The following SLC7A6 variants were observed in gnomAD, a reference collection of about 807,000 sequenced individuals.
SLC7A6 encodes the protein solute carrier family 7 member 6.
A neutral mutation model predicts 46.6 loss-of-function variants in SLC7A6; 29 were observed. The observed-to-expected ratio is 0.62, with a 90% CI of 0.46 to 0.85. SLC7A6 has a LOEUF of 0.85. Among genes scored for constraint, SLC7A6 ranks in the 40% least tolerant of loss-of-function variants. SLC7A6 has a pLI of 0.00. For missense variants in SLC7A6, 527 were observed against 647.6 expected, an observed-to-expected ratio of 0.81 and a Z score of 2.02; for synonymous variants, 276 against 257.3, an observed-to-expected ratio of 1.07 and a Z score of -0.70.
rs1175176637 is a variant in SLC7A6, at chr16:68,274,699, A to G, written c.-28A>G. ...CTTGTATTCTTTGCCAGGCCACAGC[A>G]AACACAGGTGTGCAGGAACCGTTTG... is the stretch of plus-strand genomic sequence containing the variant. On this transcript the variant is annotated 5_prime_UTR_variant, in exon 3 of 11. Coordinates refer to ENST00000219343, the MANE Select transcript of SLC7A6 (RefSeq NM_003983.6). The G allele has an allele frequency of 6.2e-7, 1 of 1,611,874 alleles. No individual in the cohort carries two copies. The highest frequency in any genetic ancestry group is 8.5e-7 in the Non-Finnish European group (1 of 1,178,316).
chr16:68,293,901 TTTTG>T (rs1438656127), intron 7 of SLC7A6, among the ~76,000 whole-genome samples: 3 of 152,128 alleles, frequency 2.0e-5, no homozygotes, highest in Non-Finnish European at 2.9e-5. Context: ...GCCAGTCTTT[TTTTG>T]TTTGTTTTTG....
chr16:68,290,681 G>T (rs957978090), intron 5 of SLC7A6, 141 bp downstream of exon 5: 31 of 1,029,636 alleles, frequency 3.0e-5, no homozygotes, highest in Non-Finnish European at 4.3e-5. Flanking sequence ...GCTAGGAGGG[G>T]CTGAGGGCTA....
At chr16:68,284,944 G>A (rs1420377226) in intron 3 of SLC7A6, among the ~76,000 whole-genome samples, 4 of 132,702 alleles carry the variant, frequency 3.0e-5, no homozygotes, top group African/African-American at 5.8e-5. Flanking sequence ...CTATTACAGT[G>A]CACTATAGGC....
Position 68,274,957 on chromosome 16 carries a change from T to C in SLC7A6, c.231T>C (p.Tyr77=). The change falls in exon 3 of 11, where the codon TAT becomes TAC. Residue 77 remains tyrosine (Y), a synonymous_variant. Transcript: ENST00000219343. ...PKGVLVHTAS[Y]GMSLIVWAIG... The stretch of plus-strand genomic sequence containing the variant: ...GTGTGCTGGTACACACTGCCTCCTA[T>C]GGGATGTCACTGATTGTGTGGGCCA... 6.2e-7 allele frequency: 1 copy of C among 1,614,208 alleles called. No homozygotes were observed. Among genetic ancestry groups the C allele is most frequent in the Non-Finnish European group, 8.5e-7 (1 of 1,180,034 alleles).
intron 10 of SLC7A6, 57 bp downstream of exon 10, chr16:68,296,867 A>G: frequency 6.3e-7 from 1 of 1,576,402 alleles, no homozygotes; most frequent in Non-Finnish European, 8.6e-7. Flanking sequence ...GCGCATGCAG[A>G]GGTGGGGGGT....
chr16:68,270,861 ATT>A (rs11301249), intron 2 of SLC7A6, among the ~76,000 whole-genome samples: 165 of 142,884 alleles, frequency 1.2e-3, no homozygotes, highest in Admixed American at 1.7e-3. Flanking sequence ...TTTATATTGG[ATT>A]TTTTTTTTTT....
chr16:68,294,868 T>TC, intron 8 of SLC7A6, 67 bp downstream of exon 8: 1 of 1,128,974 alleles, frequency 8.9e-7, no homozygotes, highest in South Asian at 1.3e-5. Flanking sequence ...TTGTGCTAAG[T>TC]TGTTAAATAA....
At chr16:68,279,317 A>G (rs2151219553) in intron 3 of SLC7A6, among the ~76,000 whole-genome samples, 1 of 152,276 alleles carries the variant, frequency 6.6e-6, no homozygotes, top group African/African-American at 2.4e-5. Flanking sequence ...ACTCCAGCCT[A>G]GGTGACAGAA....
chr16:68,270,171 G>A lies in SLC7A6; in HGVS notation c.-37+3450G>A, dbSNP rs184075688. Among the ~76,000 whole-genome samples, 8 of 151,792 alleles carry A rather than the reference G, an allele frequency of 5.3e-5. No homozygotes were observed. In the East Asian group the frequency reaches 1.6e-3, roughly 30 times the overall value. ...GGGTGCTTGCTAACCTGGTGGTAGG[G>A]AGTAGGGATTTCTCTGTTGTCTGGT... On this transcript the variant is annotated intron_variant, in intron 2 of 10. Coordinates refer to ENST00000219343, the MANE Select transcript of SLC7A6 (RefSeq NM_003983.6).
rs372458911 is a variant in SLC7A6, at chr16:68,294,821, C to T, written c.1119+20C>T. The stretch of plus-strand genomic sequence containing the variant: ...TTCAATGTAAGCTTTGCTGGGACCA[C>T]GGGGCTCAGGTGGATCTGTGCATTG... On this transcript the variant is annotated intron_variant, in intron 8 of 10. Transcript: ENST00000219343. 2.9e-4 allele frequency: 446 copies of T among 1,557,844 alleles called. No individual in the cohort carries two copies. Among genetic ancestry groups the T allele is most frequent in the Non-Finnish European group, 3.5e-4 (399 of 1,128,876 alleles).
intron 7 of SLC7A6, chr16:68,292,763 T>C (rs1307829758): frequency 1.3e-5 from 2 of 152,242 alleles, no homozygotes; most frequent in Non-Finnish European, 2.9e-5. Context: ...AAAATATTCT[T>C]ATTAAGGCGA....
chr16:68,290,633 G>A (rs552781476), intron 5 of SLC7A6, 93 bp downstream of exon 5: 44 of 1,439,496 alleles, frequency 3.1e-5, no homozygotes, highest in Non-Finnish European at 3.9e-5. Context: ...TCCTCCCTCC[G>A]ACTCTCCTCC....
chr16:68,295,651 C>T (rs1340193750), intron 8 of SLC7A6, among the ~76,000 whole-genome samples: 1 of 152,168 alleles, frequency 6.6e-6, no homozygotes, highest in African/African-American at 2.4e-5. Context: ...GTTTTAAATC[C>T]TTTGTTGATA....
intron 3 of SLC7A6, among the ~76,000 whole-genome samples, chr16:68,283,323 C>A (rs905319545): frequency 2.8e-4 from 42 of 152,360 alleles, no homozygotes; most frequent in African/African-American, 9.9e-4. Context: ...TTCCTGCCAT[C>A]CTCAGCCTGT....
Position 68,274,806 on chromosome 16 carries a change from A to G in SLC7A6, c.80A>G (p.Asp27Gly), listed in dbSNP as rs2042680174. ...PNTSQSQVEEDVSSPPQRSSE... is the reference protein window; with the variant it reads ...PNTSQSQVEEGVSSPPQRSSE... ...ACCAGCCAGTCCCAGGTGGAAGAAG[A>G]TGTCAGCTCGCCACCTCAAAGGTCC... Residue 27 changes from aspartate (D) to glycine (G), a missense_variant, in exon 3 of 11, where the codon GAT becomes GGT. Asp to Gly is a moderately conservative substitution (Grantham distance 94, BLOSUM62 -1). Coordinates refer to ENST00000219343, the MANE Select transcript of SLC7A6 (RefSeq NM_003983.6). The G allele has an allele frequency of 6.2e-7, 1 of 1,614,058 alleles. No individual in the cohort carries two copies. The highest frequency in any genetic ancestry group is 1.7e-5 in the Admixed American group (1 of 59,988).
At chr16:68,272,949 T>C (rs962639564) in intron 2 of SLC7A6, 4 of 152,216 alleles carry the variant, frequency 2.6e-5, no homozygotes, top group Non-Finnish European at 4.4e-5. Context: ...AAAACAAATA[T>C]GTTTCCAGGT....
chr16:68,278,041 C>A (rs2042748055), intron 3 of SLC7A6, among the ~76,000 whole-genome samples: 2 of 151,996 alleles, frequency 1.3e-5, no homozygotes, highest in East Asian at 3.9e-4. Flanking sequence ...ACTGCATCCT[C>A]CACCTCCCGG....
Position 68,300,922 on chromosome 16 carries a change from A to C in SLC7A6, c.*3594A>C, listed in dbSNP as rs2043259681. On this transcript the variant is annotated 3_prime_UTR_variant, in exon 11 of 11. Transcript: ENST00000219343. Reference sequence around the variant, plus strand: ...GCACAGCAGAAGCTTACTGCTAATGAAATGGGAACCTCCCCCTCCCTTGTG... The same window carrying C: ...GCACAGCAGAAGCTTACTGCTAATGCAATGGGAACCTCCCCCTCCCTTGTG... 1.0e-6 allele frequency: 1 copy of C among 1,001,240 alleles called. No individual in the cohort carries two copies. The highest frequency in any genetic ancestry group is 4.5e-5 in the South Asian group (1 of 22,368). The allele number at this position is 1,001,240 out of a possible 1,614,324, so 62.0% of individuals were successfully genotyped here.
Position 68,294,706 on chromosome 16 carries a change from T to A in SLC7A6, c.1024T>A (p.Leu342Met). The A allele has an allele frequency of 6.2e-7, 1 of 1,609,762 alleles. No individual in the cohort carries two copies. Among genetic ancestry groups the A allele is most frequent in the Non-Finnish European group, 8.5e-7 (1 of 1,176,070 alleles). Residue 342 changes from leucine (L) to methionine (M), a missense_variant and splice_region_variant, in exon 8 of 11, where the codon TTG (leucine) becomes ATG (methionine). Physicochemically the swap from Leu to Met is conservative, Grantham distance 15. Transcript: ENST00000219343. ...CTGACACATTTCTCATCCTTCTAGG[T>A]TGTTCTTCGTGGGCTCCCGGGAGGG... ...LNASIFASSRLFFVGSREGHL... is the reference protein window; with the variant it reads ...LNASIFASSRMFFVGSREGHL...
Sources: allele counts gnomAD v4.1 joint callset (sites outside exome capture counted in the v4.1 genomes callset), GRCh38; gene constraint gnomAD v4.1.1; transcripts MANE v1.5; gene names NCBI Gene and HGNC (gene_info 2026-07-23, HGNC 2026-07-21).